ARID5B: variants seen among roughly 807,000 people sequenced by gnomAD.
ARID5B encodes AT-rich interaction domain 5B.
ARID5B carries 13 observed loss-of-function variants against 97.2 expected under a neutral mutation model. The observed-to-expected ratio is 0.13, with a 90% CI of 0.09 to 0.21. ARID5B has a LOEUF of 0.21. ARID5B is among the 10% of genes least tolerant of loss of function. The pLI is 1.00. For missense variants in ARID5B, 1,210 were observed against 1,465.3 expected, an observed-to-expected ratio of 0.83 and a Z score of 2.84; for synonymous variants, 556 against 570.3, an observed-to-expected ratio of 0.97 and a Z score of 0.36.
intron 3 of ARID5B, among the ~76,000 whole-genome samples, chr10:61,962,363 C>T (rs1286020152): frequency 6.6e-6 from 1 of 152,182 alleles, no homozygotes; most frequent in Non-Finnish European, 1.5e-5. Flanking sequence ...TGTTGCATTG[C>T]ATAATTGATA....
In ARID5B at chr10:62,094,213, T is replaced by C. The variant is rs758135942; in HGVS notation, c.*1183T>C. 8.6e-5 allele frequency: 20 copies of C among 232,274 alleles called. No homozygotes were observed. The highest frequency in any genetic ancestry group is 1.6e-4 in the Non-Finnish European group (19 of 117,488). 14.4% of individuals were successfully genotyped at this position (232,274 alleles called of 1,614,324 possible). A position where few individuals can be genotyped will look rare whatever the true frequency, so the allele number is the denominator to read the frequency against. On this transcript the variant is annotated 3_prime_UTR_variant, in exon 10 of 10. Coordinates refer to ENST00000279873, the MANE Select transcript of ARID5B (RefSeq NM_032199.3). ...TTACATTGGCGTTGGCACTGATTCC[T>C]TTAAATGGTCTGGGAAAGGGGGTTG...
At chr10:62,025,348 C>T (rs1353049315) in intron 4 of ARID5B, 1 of 152,050 alleles carries the variant, frequency 6.6e-6, no homozygotes, top group Non-Finnish European at 1.5e-5. Context: ...TTTATCTTGG[C>T]CATAGAATTC....
intron 3 of ARID5B, among the ~76,000 whole-genome samples, chr10:61,942,462 G>A (rs372672528): frequency 2.0e-5 from 3 of 152,216 alleles, no homozygotes; most frequent in South Asian, 2.1e-4. Flanking sequence ...TCTTCATTCA[G>A]TAGGAGTAAG....
rs1417332918 is a variant in ARID5B at position 62,091,045 on chromosome 10, A to G, written c.1582A>G (p.Lys528Glu). 6.2e-7 allele frequency: 1 copy of G among 1,613,984 alleles called. No individual in the cohort carries two copies. The highest frequency in any genetic ancestry group is 8.5e-7 in the Non-Finnish European group (1 of 1,180,012). The part of the protein sequence containing the change: ...NETDQGSNSE[K>E]VAEEAGEKGP... ...AACAGACCAAGGTTCCAACAGTGAG[A>G]AGGTGGCAGAGGAGGCGGGAGAGAA... Residue 528 changes from lysine (K) to glutamate (E), a missense_variant, in exon 10 of 10, where the codon AAG becomes GAG. This residue lies in a region of ARID5B where 800 missense variants were observed against 839.1 expected (regional missense o/e 0.95). Coordinates refer to ENST00000279873, the MANE Select transcript of ARID5B (RefSeq NM_032199.3).
chr10:62,080,430 G>T (rs1383252657), intron 8 of ARID5B, among the ~76,000 whole-genome samples: 1 of 152,142 alleles, frequency 6.6e-6, no homozygotes, highest in Non-Finnish European at 1.5e-5. Context: ...TGTTGATTTG[G>T]TTCCCTACCC....
intron 2 of ARID5B, among the ~76,000 whole-genome samples, chr10:61,916,442 A>G (rs1843906255): frequency 6.6e-6 from 1 of 152,164 alleles, no homozygotes. Context: ...TAAAATGCCA[A>G]CCCCTCATTT....
intron 2 of ARID5B, among the ~76,000 whole-genome samples, chr10:61,917,873 G>C (rs943629270): frequency 6.6e-6 from 1 of 152,162 alleles, no homozygotes; most frequent in African/African-American, 2.4e-5. Context: ...TTAGGCTTGA[G>C]GAGGGAGGCA....
rs1276732650 is a variant in ARID5B at position 62,091,568 on chromosome 10, C to T, written c.2105C>T (p.Ala702Val). ...KKKLLSQVSG[A>V]SLSSSYPYGS... is the part of the protein sequence containing the mutation. ...AAGCTTTTGTCCCAAGTGAGTGGGG[C>T]CAGCCTCTCCAGCAGCTACCCTTAT... The change falls in exon 10 of 10, where the codon GCC (alanine) becomes GTC (valine). Residue 702 changes from alanine (A) to valine (V), a missense_variant. Transcript: ENST00000279873. 4 of 1,612,262 alleles carry T rather than the reference C, an allele frequency of 2.5e-6. No homozygotes were observed. Among genetic ancestry groups the T allele is most frequent in the Non-Finnish European group, 3.4e-6 (4 of 1,179,296 alleles).
At chr10:61,994,168 C>G (rs1274687318) in intron 3 of ARID5B, among the ~76,000 whole-genome samples, 1 of 152,040 alleles carries the variant, frequency 6.6e-6, no homozygotes, top group Admixed American at 6.5e-5. Context: ...GCAGATTTTT[C>G]AGTTGAGGTA....
chr10:62,087,870 T>G (rs1294893922), intron 9 of ARID5B, among the ~76,000 whole-genome samples: 4 of 147,448 alleles, frequency 2.7e-5, no homozygotes, highest in Non-Finnish European at 6.0e-5. Context: ...TGATGCAGAT[T>G]TTTTTTTTTT....
chr10:62,033,133 T>A (rs1839518482), intron 4 of ARID5B, among the ~76,000 whole-genome samples: 1 of 152,232 alleles, frequency 6.6e-6, no homozygotes, highest in South Asian at 2.1e-4. Context: ...GAGGCTTGTG[T>A]ATGGTGATTT....
intron 7 of ARID5B, among the ~76,000 whole-genome samples, chr10:62,060,395 G>A (rs185215893): frequency 1.4e-4 from 21 of 152,230 alleles, no homozygotes; most frequent in Non-Finnish European, 1.0e-4. Flanking sequence ...AATAATATGT[G>A]CTTGTAATAT....
In ARID5B at chr10:61,902,404, C is replaced by T; in HGVS notation, c.267C>T (p.Asp89=). ...ACACTCCCCAGGGCAGAAATAGCGA[C>T]CATGGCGAGGTGGTAAACCTGTCTG... The part of the protein sequence containing the change: ...PEDTPQGRNS[D]HGEDEVIAVS... The change falls in exon 2 of 10, where the codon GAC becomes GAT. Residue 89 remains aspartate (D), a synonymous_variant. Transcript: ENST00000279873. 1 of 1,613,958 alleles carries T rather than the reference C, an allele frequency of 6.2e-7. No individual in the cohort carries two copies. Among genetic ancestry groups the T allele is most frequent in the Non-Finnish European group, 8.5e-7 (1 of 1,179,866 alleles).
chr10:62,036,510 A>G (rs1839566091), intron 4 of ARID5B, among the ~76,000 whole-genome samples: 2 of 152,208 alleles, frequency 1.3e-5, no homozygotes. Context: ...AGCTGGGAGT[A>G]TGGTGCACAG....
intron 4 of ARID5B, among the ~76,000 whole-genome samples, chr10:62,021,757 C>T (rs1839358805): frequency 6.6e-6 from 1 of 152,188 alleles, no homozygotes. Context: ...TGAGTTGGAG[C>T]TGTGCAAACC....
chr10:61,992,370 G>A (rs1479237905), intron 3 of ARID5B, among the ~76,000 whole-genome samples: 1 of 152,194 alleles, frequency 6.6e-6, no homozygotes, highest in African/African-American at 2.4e-5. Flanking sequence ...GTTACTCAGA[G>A]TGGTAGCAGT....
chr10:62,063,461 C>T (rs1164311751), intron 7 of ARID5B, among the ~76,000 whole-genome samples: 3 of 149,984 alleles, frequency 2.0e-5, no homozygotes, highest in Admixed American at 1.3e-4. Context: ...GTTTGAATTG[C>T]GGATTATGGA....
chr10:61,928,158 C>T (rs1026164800), intron 2 of ARID5B, among the ~76,000 whole-genome samples: 4 of 152,164 alleles, frequency 2.6e-5, no homozygotes, highest in African/African-American at 4.8e-5. Flanking sequence ...ACTCCCACCC[C>T]TCTGCGGCCC....
At chr10:61,909,725 G>A (rs1176164010) in intron 2 of ARID5B, among the ~76,000 whole-genome samples, 1 of 152,158 alleles carries the variant, frequency 6.6e-6, no homozygotes, top group African/African-American at 2.4e-5. Flanking sequence ...TCTGGCAGAT[G>A]ACCAGTGACC....
Sources: gnomAD v4.1 joint callset for allele counts (sites outside exome capture counted in the v4.1 genomes callset) on GRCh38, gnomAD v4.1.1 for gene constraint, gnomAD v4.1.1 regional missense constraint, MANE v1.5 for transcripts, NCBI Gene and HGNC (gene_info 2026-07-23, HGNC 2026-07-21) for gene names.